The following KIAA1549 variants were observed in gnomAD, a reference collection of about 807,000 sequenced individuals.
KIAA1549 encodes UPF0606 protein KIAA1549.
A neutral mutation model predicts 156.4 loss-of-function variants in KIAA1549; 70 were observed. That is an observed-to-expected ratio of 0.45 (90% CI 0.37 to 0.55). The LOEUF (loss-of-function observed/expected upper bound fraction) is 0.55. Ranked by LOEUF, KIAA1549 falls within the 20% of genes least tolerant of loss-of-function variation. The pLI is 0.00. For synonymous variants in KIAA1549, 1,103 were observed against 1,066.4 expected (o/e 1.03, Z -0.67); for missense variants, 2,428 against 2,540.9 (o/e 0.96, Z 0.96).
Position 138,918,525 on chromosome 7 carries a change from T to C in KIAA1549, c.1101A>G (p.Ala367=), listed in dbSNP as rs1812425506. 6.2e-7 allele frequency: 1 copy of C among 1,613,974 alleles called. No individual in the cohort carries two copies. The highest frequency in any genetic ancestry group is 8.5e-7 in the Non-Finnish European group (1 of 1,179,882). The change falls in exon 2 of 20, where the codon GCA becomes GCG. Residue 367 remains alanine (A), a synonymous_variant. Coordinates refer to ENST00000422774, the MANE Select transcript of KIAA1549 (RefSeq NM_001164665.2). The surrounding 1 kb of genome is among the most constrained non-coding windows in gnomAD (Gnocchi z 4.2). ...CAGTTGGTGAAGCAGAGGACGCAAA[T>C]GCAAGAGGAGTTGAAAGCAATGGAG... is the stretch of plus-strand genomic sequence containing the variant. ...THSPLLSTPL[A]FASSASPTDV...
chr7:138,965,862 G>A (rs1814008261), intron 1 of KIAA1549, among the ~76,000 whole-genome samples: 1 of 152,078 alleles, frequency 6.6e-6, no homozygotes, highest in African/African-American at 2.4e-5. Flanking sequence ...ATCATCCTCT[G>A]ATCAAAACCC....
In KIAA1549 at chr7:138,903,842, TGTGTGTGTGTGCGCGC is replaced by T. The variant is rs1423493126; in HGVS notation, c.3521-122_3521-107del. The T allele has an allele frequency of 6.9e-5, 32 of 463,556 alleles. 1 individual carries two copies. Among genetic ancestry groups the T allele is most frequent in the South Asian group, 2.2e-4 (7 of 32,438 alleles). 28.7% of individuals were successfully genotyped at this position (463,556 alleles called of 1,614,324 possible). ...GTGTGTGTGTGTGTGTGTGTGTGTG[TGTGTGTGTGTGCGCGC>T]GCGCGCGCGCGCACATATGTATTTG... On this transcript the variant is annotated intron_variant, in intron 7 of 19. Coordinates refer to ENST00000422774, the MANE Select transcript of KIAA1549 (RefSeq NM_001164665.2).
chr7:138,960,400 C>T (rs1584785938), intron 1 of KIAA1549, among the ~76,000 whole-genome samples: 2 of 104,128 alleles, frequency 1.9e-5, no homozygotes, highest in Admixed American at 7.7e-5. Flanking sequence ...ACCTCTGCCC[C>T]CCGGTTCAAG....
chr7:138,856,417 C>A (rs1036616295), intron 16 of KIAA1549, among the ~76,000 whole-genome samples: 3 of 152,138 alleles, frequency 2.0e-5, no homozygotes, highest in African/African-American at 7.2e-5. Context: ...CCATTAAACA[C>A]GTTGAAGGCT....
intron 9 of KIAA1549, among the ~76,000 whole-genome samples, chr7:138,898,574 T>C (rs1222074588): frequency 1.3e-5 from 2 of 152,106 alleles, no homozygotes; most frequent in East Asian, 3.9e-4. Context: ...TGACTCACTG[T>C]CCCCGCCAAT....
rs1390588948 is a variant in KIAA1549 at position 138,861,406 on chromosome 7, C to T, written c.4980G>A (p.Leu1660=). 6.2e-7 allele frequency: 1 copy of T among 1,612,274 alleles called. No homozygotes were observed. The highest frequency in any genetic ancestry group is 1.7e-5 in the Admixed American group (1 of 59,554). Residue 1660 remains leucine, a synonymous_variant, in exon 16 of 20, where the codon CTG becomes CTA. Transcript: ENST00000422774. ...ADVQTPSSVE[L]GRYPALPFPA... is the part of the protein sequence containing the mutation. Reference sequence around the variant, plus strand: ...GGAAGGGAAGGGCTGGATACCTCCCCAGTTCCACCGAGGATGGTGTCTGCA... The same window carrying T: ...GGAAGGGAAGGGCTGGATACCTCCCTAGTTCCACCGAGGATGGTGTCTGCA...
At chr7:138,908,966 G>T (rs1812088905) in intron 5 of KIAA1549, 25 bp downstream of exon 5, 5 of 1,613,410 alleles carry the variant, frequency 3.1e-6, no homozygotes, top group Middle Eastern at 1.6e-4. Context: ...AAAGCCTTCT[G>T]CTCTGCATTC....
At chr7:138,883,512 T>C (rs1811309663) in intron 10 of KIAA1549, among the ~76,000 whole-genome samples, 1 of 151,932 alleles carries the variant, frequency 6.6e-6, no homozygotes, top group Admixed American at 6.6e-5. Flanking sequence ...AGATGGGGTC[T>C]CACTATGTTG....
At chr7:138,964,332 G>A (rs1029042021) in intron 1 of KIAA1549, among the ~76,000 whole-genome samples, 4 of 152,210 alleles carry the variant, frequency 2.6e-5, no homozygotes, top group East Asian at 1.9e-4. Flanking sequence ...AGAGGAGACC[G>A]TGGCTGGGGG....
intron 1 of KIAA1549, among the ~76,000 whole-genome samples, chr7:138,941,430 T>C (rs1350467790): frequency 1.3e-5 from 2 of 152,206 alleles, no homozygotes; most frequent in Non-Finnish European, 2.9e-5. Flanking sequence ...TTACAGCACC[T>C]TTCCAAAGAA....
chr7:138,940,043 T>A (rs943339247), intron 1 of KIAA1549, among the ~76,000 whole-genome samples: 1 of 152,184 alleles, frequency 6.6e-6, no homozygotes, highest in Non-Finnish European at 1.5e-5. Flanking sequence ...ACTTTAAGTT[T>A]TAGGGTACAT....
At chr7:138,902,306 C>T (rs1811864087) in intron 8 of KIAA1549, among the ~76,000 whole-genome samples, 1 of 152,132 alleles carries the variant, frequency 6.6e-6, no homozygotes, top group Non-Finnish European at 1.5e-5. Context: ...GCTCCTGCCC[C>T]CAACCCACAG....
chr7:138,848,911 T>C (rs1435438829), intron 17 of KIAA1549, among the ~76,000 whole-genome samples: 4 of 152,096 alleles, frequency 2.6e-5, no homozygotes, highest in African/African-American at 9.7e-5. Flanking sequence ...AGAAAAAAAA[T>C]TTTTTGAGAC....
In KIAA1549 at chr7:138,918,799, C is replaced by A. The variant is rs1407667534; in HGVS notation, c.827G>T (p.Gly276Val). ...GCTTAAAAAAAGGGTGGTTTCCACA[C>A]CCTCTGTTAGGGAAGCCACAATCTC... The part of the protein sequence containing the change: ...LPEIVASLTE[G>V]VETTLFLSSR... Residue 276 changes from glycine to valine, a missense_variant, in exon 2 of 20, where the codon GGT becomes GTT. Around this residue, in one of 5 missense-constraint regions of KIAA1549, gnomAD observed 893 missense variants for 847.9 expected, o/e 1.05. Coordinates refer to ENST00000422774, the MANE Select transcript of KIAA1549 (RefSeq NM_001164665.2). This position sits in a 1 kb window ranked among gnomAD's most constrained non-coding sequence, Gnocchi z 4.2. 1.2e-5 allele frequency: 19 copies of A among 1,613,846 alleles called. No homozygotes were observed. The highest frequency in any genetic ancestry group is 1.6e-5 in the Non-Finnish European group (19 of 1,179,896).
chr7:138,847,487 G>C (rs1810112676), intron 17 of KIAA1549, among the ~76,000 whole-genome samples: 1 of 152,150 alleles, frequency 6.6e-6, no homozygotes, highest in African/African-American at 2.4e-5. Context: ...TTCCTACTTG[G>C]GTGTGACTTC....
chr7:138,937,436 T>A (rs1245567639), intron 1 of KIAA1549, among the ~76,000 whole-genome samples: 1 of 152,154 alleles, frequency 6.6e-6, no homozygotes, highest in African/African-American at 2.4e-5. Flanking sequence ...CACCTACCGG[T>A]CATGTGAGCT....
chr7:138,928,225 A>G (rs1022362033), intron 1 of KIAA1549, among the ~76,000 whole-genome samples: 10 of 149,214 alleles, frequency 6.7e-5, no homozygotes, highest in South Asian at 4.3e-4. Flanking sequence ...CCGGCCTACT[A>G]TTGTCTTTTC....
In KIAA1549 at chr7:138,912,003, C is replaced by T. The variant is rs145328853; in HGVS notation, c.2967+369G>A. 3.2e-3 allele frequency among the ~76,000 whole-genome samples: 491 copies of T among 152,308 alleles called. 6 individuals carry two copies. Among genetic ancestry groups the T allele is most frequent in the African/African-American group, 0.011 (466 of 41,546 alleles). On this transcript the variant is annotated intron_variant, in intron 3 of 19. Coordinates refer to ENST00000422774, the MANE Select transcript of KIAA1549 (RefSeq NM_001164665.2). Reference sequence around the variant, plus strand: ...ATCCTACCAAATGTCCAGAAAGATGCACCTGTACTCACTCTAACGTCTAAT... The same window carrying T: ...ATCCTACCAAATGTCCAGAAAGATGTACCTGTACTCACTCTAACGTCTAAT...
At chr7:138,933,957 T>C (rs1334555606) in intron 1 of KIAA1549, among the ~76,000 whole-genome samples, 1 of 152,104 alleles carries the variant, frequency 6.6e-6, no homozygotes, top group East Asian at 1.9e-4. Context: ...CAGAGTAAGA[T>C]TCTGTCTCAA....
Sources: gnomAD v4.1 joint callset for allele counts (sites outside exome capture counted in the v4.1 genomes callset) on GRCh38, gnomAD v4.1.1 for gene constraint, gnomAD v4.1.1 regional missense constraint, Gnocchi (gnomAD v3.1) non-coding constraint, MANE v1.5 for transcripts, NCBI Gene and HGNC (gene_info 2026-07-23, HGNC 2026-07-21) for gene names.